Variants in ARAP1 observed in about 807,000 individuals in gnomAD.
ARAP1 encodes arf-GAP with Rho-GAP domain, ANK repeat and PH domain-containing protein 1.
ARAP1 carries 76 observed loss-of-function variants against 172.2 expected under a neutral mutation model. That is an observed-to-expected ratio of 0.44 (90% CI 0.37 to 0.53). The LOEUF (loss-of-function observed/expected upper bound fraction) is 0.53. ARAP1 is among the 20% of genes least tolerant of loss of function. The pLI, the probability that ARAP1 is intolerant of heterozygous loss-of-function variation, is 0.00. For missense variants in ARAP1, 1,686 were observed against 1,977.5 expected, an observed-to-expected ratio of 0.85 and a Z score of 2.80; for synonymous variants, 804 against 803.3, an observed-to-expected ratio of 1.00 and a Z score of -0.01.
chr11:72,692,173 C>G (rs1406197694), intron 30 of ARAP1, among the ~76,000 whole-genome samples: 1 of 152,130 alleles, frequency 6.6e-6, no homozygotes, highest in East Asian at 1.9e-4. Context: ...AGAACCTGAG[C>G]AAGGACCTTT....
At position 72,695,481 on chromosome 11, in the gene ARAP1, G is replaced by A. The variant is rs774848845; in HGVS notation, c.3508-26C>T. Reference sequence around the variant, plus strand: ...CTGCAGGGAGACAGGGCTCAGCTGGGGGCCTAGGAAATGGGTGCAGGTGGC... The same window carrying A: ...CTGCAGGGAGACAGGGCTCAGCTGGAGGCCTAGGAAATGGGTGCAGGTGGC... On this transcript the variant is annotated intron_variant, in intron 25 of 34. Coordinates refer to ENST00000393609, the MANE Select transcript of ARAP1 (RefSeq NM_001040118.3). The surrounding 1 kb of genome is among the most constrained non-coding windows in gnomAD (Gnocchi z 4.4). 101 of 1,614,114 alleles carry A rather than the reference G, an allele frequency of 6.3e-5. 1 individual carries two copies. In the Admixed American group the frequency reaches 1.2e-3, roughly 19 times the overall value.
At chr11:72,735,284 T>C (rs1018702355) in intron 1 of ARAP1, among the ~76,000 whole-genome samples, 2 of 151,746 alleles carry the variant, frequency 1.3e-5, no homozygotes, top group African/African-American at 4.8e-5. Context: ...CCTTTGGCCA[T>C]CCACTTTTAA....
At chr11:72,739,388 C>A (rs935767368) in intron 1 of ARAP1, among the ~76,000 whole-genome samples, 6 of 152,180 alleles carry the variant, frequency 3.9e-5, no homozygotes, top group Non-Finnish European at 8.8e-5. Flanking sequence ...TGATGGGGAG[C>A]AGCCCCTCAG....
Position 72,741,087 on chromosome 11 carries a change from C to CGA in ARAP1, c.-127-8492_-127-8491dup, listed in dbSNP as rs1858183955. Among the ~76,000 whole-genome samples, 1 of 118,518 alleles carries CGA rather than the reference C, an allele frequency of 8.4e-6. No homozygotes were observed. Among genetic ancestry groups the CGA allele is most frequent in the Non-Finnish European group, 1.7e-5 (1 of 59,394 alleles). The allele number at this position is 118,518 out of a possible 152,430, so 77.8% of individuals were successfully genotyped here. On this transcript the variant is annotated intron_variant, in intron 1 of 34. Transcript: ENST00000393609. This position sits in a 1 kb window ranked among gnomAD's most constrained non-coding sequence, Gnocchi z 4.5. ...CCCCTCTGGCCCCACCACATACCCCCGACCCCTAATGGGTCTGGGGACCCC... is the reference window on the plus strand; with the variant it reads ...CCCCTCTGGCCCCACCACATACCCCCGAGACCCCTAATGGGTCTGGGGACCCC...
In ARAP1 at chr11:72,693,109, C is replaced by T. The variant is rs781356713; in HGVS notation, c.3954+216G>A. 5.9e-5 allele frequency: 42 copies of T among 706,530 alleles called. No homozygotes were observed. The highest frequency in any genetic ancestry group is 1.1e-4 in the Admixed American group (4 of 35,546). The allele number at this position is 706,530 out of a possible 1,614,324, so 43.8% of individuals were successfully genotyped here. ...GGGCATGGAGTGGTGTGATGGCATC[C>T]GGGTGCCAGGGCTTAGTGGGGCTAC... On this transcript the variant is annotated intron_variant, in intron 29 of 34. Transcript: ENST00000393609. The surrounding 1 kb of genome is among the most constrained non-coding windows in gnomAD (Gnocchi z 4.6).
chr11:72,692,822 C>T (rs1207817840), intron 29 of ARAP1, 37 bp from the exon 30 acceptor site: 2 of 1,612,000 alleles, frequency 1.2e-6, no homozygotes, highest in African/African-American at 2.7e-5. Context: ...GAAGAAGTCC[C>T]AGGTCTAGAG....
chr11:72,718,470 T>C (rs532889961), intron 3 of ARAP1, among the ~76,000 whole-genome samples: 22 of 151,942 alleles, frequency 1.4e-4, no homozygotes, highest in Non-Finnish European at 2.9e-5. Flanking sequence ...AGTTTCATCC[T>C]CCTCTGCCCT....
At chr11:72,690,015 A>C (rs995882179) in intron 30 of ARAP1, among the ~76,000 whole-genome samples, 1 of 152,218 alleles carries the variant, frequency 6.6e-6, no homozygotes, top group Non-Finnish European at 1.5e-5. Flanking sequence ...GAGGCTATAA[A>C]AGAGATTCGG....
chr11:72,698,202 A>G, intron 18 of ARAP1, 96 bp from the exon 19 acceptor site: 1 of 1,385,280 alleles, frequency 7.2e-7, no homozygotes, highest in Non-Finnish European at 9.6e-7. Flanking sequence ...CCCTCTTCCC[A>G]CCCAGCTGCC....
At position 72,714,190 on chromosome 11, in the gene ARAP1, T is replaced by G. The variant is rs1177937211; in HGVS notation, c.641A>C (p.Glu214Ala). 14 of 1,516,308 alleles carry G rather than the reference T, an allele frequency of 9.2e-6. No individual in the cohort carries two copies. In the Admixed American group the frequency reaches 3.5e-4, roughly 38 times the overall value. The allele number at this position is 1,516,308 out of a possible 1,614,324, so 93.9% of individuals were successfully genotyped here. The change falls in exon 4 of 35, where the codon GAG becomes GCG. Residue 214 changes from glutamate (E) to alanine (A), a missense_variant. Coordinates refer to ENST00000393609, the MANE Select transcript of ARAP1 (RefSeq NM_001040118.3). ...CAGGCGTACCGGCTTTGGAGGTATC[T>G]CCGGGGGGCAGGGAGGTGGAGAGGG... ...QPPSPPPCPPEIPPKPVRLFP... is the reference protein window; with the variant it reads ...QPPSPPPCPPAIPPKPVRLFP...
chr11:72,698,616 C>T lies in ARAP1; in HGVS notation c.2541+389G>A, dbSNP rs149324980. Among the ~76,000 whole-genome samples the T allele has an allele frequency of 3.4e-3, 520 of 152,272 alleles. 4 individuals carry two copies. Among genetic ancestry groups the T allele is most frequent in the African/African-American group, 0.012 (500 of 41,550 alleles). Reference sequence around the variant, plus strand: ...CCCACAGGCACCTGGCTCTAGTCCCCGAGGCAGAGCTCTCCCGGTGGCCTC... The same window carrying T: ...CCCACAGGCACCTGGCTCTAGTCCCTGAGGCAGAGCTCTCCCGGTGGCCTC... On this transcript the variant is annotated intron_variant, in intron 18 of 34. Coordinates refer to ENST00000393609, the MANE Select transcript of ARAP1 (RefSeq NM_001040118.3).
chr11:72,747,043 T>C (rs1591254568), intron 1 of ARAP1, among the ~76,000 whole-genome samples: 1 of 152,152 alleles, frequency 6.6e-6, no homozygotes, highest in South Asian at 2.1e-4. Flanking sequence ...GCCTTGCTCC[T>C]GGTCTTCTGT....
intron 1 of ARAP1, among the ~76,000 whole-genome samples, chr11:72,748,594 C>G (rs905945735): frequency 5.3e-5 from 8 of 152,172 alleles, no homozygotes; most frequent in African/African-American, 1.9e-4. Flanking sequence ...CTTTGACTGT[C>G]CCAGTGGCCT....
chr11:72,716,952 G>A (rs1339247771), intron 3 of ARAP1, among the ~76,000 whole-genome samples: 1 of 152,152 alleles, frequency 6.6e-6, no homozygotes, highest in Non-Finnish European at 1.5e-5. Flanking sequence ...AAGACCCCCT[G>A]GTGGGCACTG....
At chr11:72,712,975 C>A in intron 5 of ARAP1, 2 of 634,262 alleles carry the variant, frequency 3.2e-6, no homozygotes, top group Non-Finnish European at 5.5e-6. Flanking sequence ...GGGAGCCACA[C>A]CAGAGCCCCG....
chr11:72,739,195 C>T (rs1351794548), intron 1 of ARAP1, among the ~76,000 whole-genome samples: 1 of 152,172 alleles, frequency 6.6e-6, no homozygotes, highest in Non-Finnish European at 1.5e-5. Flanking sequence ...GGCCAAGCAG[C>T]CTATTTTCCA....
Position 72,698,218 on chromosome 11 carries a change from T to C in ARAP1, c.2542-112A>G, listed in dbSNP as rs1302657004. On this transcript the variant is annotated intron_variant, in intron 18 of 34. Coordinates refer to ENST00000393609, the MANE Select transcript of ARAP1 (RefSeq NM_001040118.3). ...CCTCTTCCCACCCAGCTGCCTTCTCTTCTCTTCCCCAAGGCAGAACCAAGC... is the reference window on the plus strand; with the variant it reads ...CCTCTTCCCACCCAGCTGCCTTCTCCTCTCTTCCCCAAGGCAGAACCAAGC... 2.4e-6 allele frequency: 3 copies of C among 1,273,264 alleles called. No homozygotes were observed. In the Admixed American group the frequency reaches 8.4e-5, roughly 36 times the overall value. The allele number at this position is 1,273,264 out of a possible 1,614,324, so 78.9% of individuals were successfully genotyped here.
At chr11:72,708,537 T>A in intron 11 of ARAP1, 1 of 173,026 alleles carries the variant, frequency 5.8e-6, no homozygotes, top group South Asian at 1.4e-4. Context: ...AAGGATGTCA[T>A]CAAAGAGAAC....
At chr11:72,692,706 C>A (rs374507792) in intron 30 of ARAP1, 47 bp downstream of exon 30, 12 of 1,612,172 alleles carry the variant, frequency 7.4e-6, no homozygotes, top group Middle Eastern at 1.7e-4. Flanking sequence ...GCTCATTTGG[C>A]CCCCAGGTGG....
Sources: gnomAD v4.1 joint callset for allele counts (sites outside exome capture counted in the v4.1 genomes callset) on GRCh38, gnomAD v4.1.1 for gene constraint, Gnocchi (gnomAD v3.1) non-coding constraint, MANE v1.5 for transcripts, NCBI Gene and HGNC (gene_info 2026-07-23, HGNC 2026-07-21) for gene names.